Variants in LACTBL1 observed in about 807,000 individuals in gnomAD.
The protein encoded by LACTBL1 is lactamase beta like 1.
Under a neutral mutation model 39.6 loss-of-function variants are expected in LACTBL1, and 29 were observed. The observed-to-expected ratio is 0.73, with a 90% CI of 0.55 to 1.00. The LOEUF is 1.00. Among genes scored for constraint, LACTBL1 ranks in the 50% least tolerant of loss-of-function variants. LACTBL1 has a pLI of 0.00. For missense variants in LACTBL1, 711 were observed against 748.5 expected, an observed-to-expected ratio of 0.95 and a Z score of 0.59; for synonymous variants, 361 against 360.7, an observed-to-expected ratio of 1.00 and a Z score of -0.01.
Position 22,958,243 on chromosome 1 carries a change from G to A in LACTBL1, c.553+442C>T, listed in dbSNP as rs536672267. 5.3e-5 allele frequency among the ~76,000 whole-genome samples: 8 copies of A among 152,136 alleles called. No individual in the cohort carries two copies. In the South Asian group the frequency reaches 1.5e-3, roughly 28 times the overall value. On this transcript the variant is annotated intron_variant, in intron 4 of 5. Transcript: ENST00000426928. ...TAAGACTACAAGTGTGTACCACCAT[G>A]CCTGGGCTATTTTTTAAAATTTTTA...
chr1:22,966,807 C>T (rs981215725), upstream of LACTBL1, among the ~76,000 whole-genome samples: 14 of 152,298 alleles, frequency 9.2e-5, no homozygotes, highest in Non-Finnish European at 1.0e-4. Context: ...TTTTCAACAT[C>T]ACCTCATGGC....
chr1:22,953,233 T>TGCGCAGGGGAACTCGTGG, exon 6 of LACTBL1: 1 of 1,231,924 alleles, frequency 8.1e-7, no homozygotes, highest in Non-Finnish European at 1.0e-6. Flanking sequence ...GTGGGCCACG[T>TGCGCAGGGGAACTCGTGG]GCAGCTGGAA....
Position 22,955,002 on chromosome 1 carries a change from C to T in LACTBL1, c.659+319G>A, listed in dbSNP as rs547368890. Among the ~76,000 whole-genome samples, 6 of 152,356 alleles carry T rather than the reference C, an allele frequency of 3.9e-5. No homozygotes were observed. In the South Asian group the frequency reaches 1.2e-3, roughly 32 times the overall value. ...TCTGTATTCACCTTGCTTATTTGCT[C>T]ACGGTGTCTCCCTCACAAGAGTGCA... On this transcript the variant is annotated intron_variant, in intron 5 of 5. Transcript: ENST00000426928.
upstream of LACTBL1, among the ~76,000 whole-genome samples, chr1:22,966,439 C>T (rs1243585665): frequency 6.6e-6 from 1 of 152,232 alleles, no homozygotes; most frequent in Non-Finnish European, 1.5e-5. Flanking sequence ...CCCCTTCCCT[C>T]CTCTGTCCTC....
At chr1:22,953,550 C>T in exon 6 of LACTBL1, 2 of 1,248,742 alleles carry the variant, frequency 1.6e-6, no homozygotes, top group Admixed American at 4.2e-5. Context: ...CCAGACGCAG[C>T]GGGGGCACCA....
the LACTBL1 span, among the ~76,000 whole-genome samples, chr1:22,972,686 C>T: frequency 6.6e-6 from 1 of 152,100 alleles, no homozygotes; most frequent in East Asian, 1.9e-4. Flanking sequence ...CCTGTGTGCC[C>T]CGCATTGAAT....
chr1:22,953,475 A>G, exon 6 of LACTBL1: 1 of 1,228,408 alleles, frequency 8.1e-7, no homozygotes, highest in Non-Finnish European at 1.0e-6. Flanking sequence ...GCAGGAGCTC[A>G]TCGTAGGCCC....
exon 5 of LACTBL1, chr1:22,955,356 G>A (rs988743739): frequency 1.9e-6 from 3 of 1,550,552 alleles, no homozygotes; most frequent in Non-Finnish European, 2.6e-6. Flanking sequence ...CATCGTCCTT[G>A]AGCAGGTTCA....
chr1:22,956,453 T>C (rs1017191690), intron 4 of LACTBL1, among the ~76,000 whole-genome samples: 2 of 152,080 alleles, frequency 1.3e-5, no homozygotes, highest in African/African-American at 4.8e-5. Context: ...ACCACATCCA[T>C]TGACTGAGAC....
intron 3 of LACTBL1, among the ~76,000 whole-genome samples, chr1:22,959,445 C>A (rs1315459461): frequency 6.6e-6 from 1 of 152,226 alleles, no homozygotes; most frequent in East Asian, 1.9e-4. Context: ...CCTGTAAAAC[C>A]CACAGTGTCC....
chr1:22,971,360 G>A, the LACTBL1 span, among the ~76,000 whole-genome samples: 1 of 152,132 alleles, frequency 6.6e-6, no homozygotes, highest in African/African-American at 2.4e-5. Context: ...TAATCTCTAA[G>A]CTGCTTGCCA....
Position 22,955,308 on chromosome 1 carries a change from G to A in LACTBL1, c.659+13C>T, listed in dbSNP as rs1640750102. On this transcript the variant is annotated intron_variant, in intron 5 of 5. Coordinates refer to ENST00000426928, the Ensembl canonical transcript of LACTBL1. ...TCCTAACATGAGGCTGGGCATCAGG[G>A]TATGCTCCTCACCTGGTTCCCGGGT... The A allele has an allele frequency of 2.6e-6, 4 of 1,545,232 alleles. No homozygotes were observed. Among genetic ancestry groups the A allele is most frequent in the Non-Finnish European group, 3.5e-6 (4 of 1,142,210 alleles).
At chr1:22,971,170 T>C in the LACTBL1 span, among the ~76,000 whole-genome samples, 1 of 152,178 alleles carries the variant, frequency 6.6e-6, no homozygotes, top group Non-Finnish European at 1.5e-5. Context: ...GCTGAGTCCA[T>C]GGGCAGTGAA....
In LACTBL1 at chr1:22,954,007, A is replaced by G. The variant is rs1640738535; in HGVS notation, c.677T>C (p.Leu226Pro). ...GACGTGGGCCAGGAGCGAGAAGGCC[A>G]GCGTGCTGTAATGGCATCTGGAAGG... Residue 226 changes from leucine (L) to proline (P), a missense_variant, in exon 6 of 6, where the codon CTG (leucine) becomes CCG (proline). Coordinates refer to ENST00000426928, the Ensembl canonical transcript of LACTBL1. 12 of 1,539,460 alleles carry G rather than the reference A, an allele frequency of 7.8e-6. No individual in the cohort carries two copies. The Admixed American group carries it at 1.0e-4, about 13-fold the overall frequency.
exon 6 of LACTBL1, chr1:22,953,994 G>A: frequency 6.5e-7 from 1 of 1,544,046 alleles, no homozygotes; most frequent in Non-Finnish European, 8.7e-7. Context: ...CGTGGGCCAG[G>A]AGCGAGAAGG....
the LACTBL1 span, chr1:22,972,202 G>C: frequency 2.5e-6 from 1 of 405,968 alleles, no homozygotes. Flanking sequence ...AAGGTAACGT[G>C]GGGGGGATTT....
At chr1:22,969,985 C>T (rs1640921838), upstream of LACTBL1, among the ~76,000 whole-genome samples, 1 of 152,202 alleles carries the variant, frequency 6.6e-6, no homozygotes, top group South Asian at 2.1e-4. Flanking sequence ...GGGTTCAAAT[C>T]TTAACTCCAC....
upstream of LACTBL1, among the ~76,000 whole-genome samples, chr1:22,969,812 T>G (rs1640920484): frequency 6.6e-6 from 1 of 152,182 alleles, no homozygotes; most frequent in African/African-American, 2.4e-5. Flanking sequence ...TGGCTACTAC[T>G]GGCTTCTTTG....
intron 1 of LACTBL1, among the ~76,000 whole-genome samples, chr1:22,964,046 C>T (rs1285498188): frequency 6.6e-6 from 1 of 152,182 alleles, no homozygotes. Flanking sequence ...AAGCGATTCT[C>T]CTGCCTCAGC....
Sources: gnomAD v4.1 joint callset for allele counts (sites outside exome capture counted in the v4.1 genomes callset) on GRCh38, gnomAD v4.1.1 for gene constraint, MANE v1.5 for transcripts, NCBI Gene and HGNC (gene_info 2026-07-23, HGNC 2026-07-21) for gene names.